The following NFATC4 variants were observed in gnomAD, a reference collection of about 807,000 sequenced individuals.
NFATC4 encodes nuclear factor of activated T-cells, cytoplasmic 4.
A neutral mutation model predicts 73.4 loss-of-function variants in NFATC4; 25 were observed. The ratio of observed to expected loss-of-function variants is 0.34; its 90% CI spans 0.25 to 0.48. NFATC4 has a LOEUF of 0.48. NFATC4 is among the 20% of genes least tolerant of loss of function. The probability of loss-of-function intolerance (pLI) is 0.99; values close to 1 mark genes in which losing one functional copy is unlikely to be tolerated. For synonymous variants in NFATC4, 523 were observed against 510.3 expected (o/e 1.02, Z -0.34); for missense variants, 1,130 against 1,203.7 (o/e 0.94, Z 0.91).
chr14:24,372,217 CTTCCCCTTGCTT>C, intron 2 of NFATC4: 1 of 541,878 alleles, frequency 1.8e-6, no homozygotes. Flanking sequence ...CTGTCCCCTA[CTTCCCCTTGCTT>C]CTGGACTTTT....
intron 1 of NFATC4, 133 bp from the exon 2 acceptor site, chr14:24,369,366 T>C (rs773362178): frequency 6.3e-7 from 1 of 1,599,898 alleles, no homozygotes; most frequent in African/African-American, 1.3e-5. Flanking sequence ...TTTTGTCTTG[T>C]GGCTCAGAAG....
Position 24,376,624 on chromosome 14 carries a change from G to C in NFATC4, c.2387G>C (p.Gly796Ala). ...CCTAGTGACCCGTATGGAGGGCGGG[G>C]CTCCTCTTTCTCCCTGGGGCTGCCA... The part of the protein sequence containing the change: ...PFPSDPYGGR[G>A]SSFSLGLPFS... Residue 796 changes from glycine (G) to alanine (A), a missense_variant, in exon 9 of 10, where the codon GGC (glycine) becomes GCC (alanine). Gly to Ala is a moderately conservative substitution (Grantham distance 60). Around this residue, in one of 3 missense-constraint regions of NFATC4, gnomAD observed 390 missense variants for 408.1 expected, o/e 0.96. Coordinates refer to ENST00000250373, the MANE Select transcript of NFATC4 (RefSeq NM_004554.5). This position sits in a 1 kb window ranked among gnomAD's most constrained non-coding sequence, Gnocchi z 5.0. 1 of 1,613,536 alleles carries C rather than the reference G, an allele frequency of 6.2e-7. No homozygotes were observed.
At chr14:24,368,110 G>A (rs2042355382), upstream of NFATC4, 5 of 1,182,452 alleles carry the variant, frequency 4.2e-6, no homozygotes, top group African/African-American at 6.5e-5. Flanking sequence ...GAGCATCCCC[G>A]GCAGCCAATC....
In NFATC4 at chr14:24,370,088, C is replaced by A; in HGVS notation, c.690C>A (p.Pro230=). The A allele has an allele frequency of 5.0e-6, 8 of 1,604,974 alleles. No individual in the cohort carries two copies. The highest frequency in any genetic ancestry group is 6.8e-6 in the Non-Finnish European group (8 of 1,179,802). Residue 230 remains proline (P), a synonymous_variant, in exon 2 of 10, where the codon CCC becomes CCA. Transcript: ENST00000250373. Reference sequence around the variant, plus strand: ...CTCGGCCATGGACCCCCGAAGATCCCTGGAGCCTGTATGGTCCAAGCCCCG... The same window carrying A: ...CTCGGCCATGGACCCCCGAAGATCCATGGAGCCTGTATGGTCCAAGCCCCG... ...ASPRPWTPED[P]WSLYGPSPGG...
At chr14:24,369,281 A>G in intron 1 of NFATC4, 1 of 1,552,774 alleles carries the variant, frequency 6.4e-7, no homozygotes, top group South Asian at 1.2e-5. Flanking sequence ...CCTCGGTCCT[A>G]GGATCCAGGG....
chr14:24,379,494 T>C lies in NFATC4; in HGVS notation c.*1789T>C, dbSNP rs906024827. 2.6e-5 allele frequency: 4 copies of C among 152,254 alleles called. No individual in the cohort carries two copies. Among genetic ancestry groups the C allele is most frequent in the Non-Finnish European group, 5.9e-5 (4 of 68,050 alleles). 9.4% of individuals were successfully genotyped at this position (152,254 alleles called of 1,614,324 possible). A position where few individuals can be genotyped will look rare whatever the true frequency, so the allele number is the denominator to read the frequency against. On this transcript the variant is annotated 3_prime_UTR_variant, in exon 10 of 10. Coordinates refer to ENST00000250373, the MANE Select transcript of NFATC4 (RefSeq NM_004554.5). ...TTTTCTGCCAGGACACTGCCATTCA[T>C]GCATTGTCAGATATTTATTAAACAG... is the stretch of plus-strand genomic sequence containing the variant.
rs142208294 is a variant in NFATC4 at position 24,376,774 on chromosome 14, G to A, written c.2537G>A (p.Gly846Asp). The A allele has an allele frequency of 5.6e-6, 9 of 1,613,834 alleles. No individual in the cohort carries two copies. The highest frequency in any genetic ancestry group is 7.6e-6 in the Non-Finnish European group (9 of 1,179,888). ...PAEGYNKVGP[G>D]YGPGEGAPEQ... ...GAGGGATACAATAAGGTAGGGCCAG[G>A]CTATGGCCCTGGGGAGGGGGCTCCG... The change falls in exon 9 of 10, where the codon GGC becomes GAC. Residue 846 changes from glycine to aspartate, a missense_variant. By Grantham distance (94) the Gly-to-Asp change is moderately conservative. This residue lies in a region of NFATC4 where 390 missense variants were observed against 408.1 expected (regional missense o/e 0.96). Transcript: ENST00000250373. This position sits in a 1 kb window ranked among gnomAD's most constrained non-coding sequence, Gnocchi z 5.0.
At chr14:24,367,206 C>T, upstream of NFATC4, 1 of 1,613,938 alleles carries the variant, frequency 6.2e-7, no homozygotes. Flanking sequence ...CCTTCCTCCT[C>T]CAGCCCAGGT....
At chr14:24,369,136 C>A in intron 1 of NFATC4, 1 of 1,442,766 alleles carries the variant, frequency 6.9e-7, no homozygotes, top group Non-Finnish European at 9.1e-7. Context: ...GTTTGGGAAC[C>A]GCTGCTAATT....
chr14:24,378,678 C>T lies in NFATC4; in HGVS notation c.*973C>T, dbSNP rs1052388294. ...AGATATTCTGGAAAGATTTGTGCTT[C>T]AGAGGTAGACTGCAGAAAGCAAACA... On this transcript the variant is annotated 3_prime_UTR_variant, in exon 10 of 10. Coordinates refer to ENST00000250373, the MANE Select transcript of NFATC4 (RefSeq NM_004554.5). The T allele has an allele frequency of 6.6e-5, 10 of 152,266 alleles. No individual in the cohort carries two copies. Among genetic ancestry groups the T allele is most frequent in the African/African-American group, 2.4e-4 (10 of 41,464 alleles). The allele number at this position is 152,266 out of a possible 1,614,324, so 9.4% of individuals were successfully genotyped here.
Position 24,368,355 on chromosome 14 carries a change from C to T in NFATC4, c.15C>T (p.Ser5=). 7.2e-7 allele frequency: 1 copy of T among 1,381,702 alleles called. No individual in the cohort carries two copies. Among genetic ancestry groups the T allele is most frequent in the Non-Finnish European group, 9.4e-7 (1 of 1,068,994 alleles). The allele number at this position is 1,381,702 out of a possible 1,614,324, so 85.6% of individuals were successfully genotyped here. Residue 5 remains serine (S), a synonymous_variant, in exon 1 of 10, where the codon AGC becomes AGT. Transcript: ENST00000250373. ...CTGCCGGATCCATGGGGGCGGCCAGCTGCGAGGATGAGGAGCTGGAATTTA... is the reference window on the plus strand; with the variant it reads ...CTGCCGGATCCATGGGGGCGGCCAGTTGCGAGGATGAGGAGCTGGAATTTA... MGAA[S]CEDEELEFKL... is the part of the protein sequence containing the mutation.
chr14:24,374,437 C>G lies in NFATC4; in HGVS notation c.1844C>G (p.Ser615Cys). ...VLTGSNFLPD[S>C]KVVFIERGPD... is the part of the protein sequence containing the mutation. ...ACTGGCTCCAACTTCCTGCCAGACT[C>G]CAAGGTGGTGTTCATTGAGAGGGGT... The change falls in exon 6 of 10, where the codon TCC becomes TGC. Residue 615 changes from serine to cysteine, a missense_variant. Physicochemically the swap from Ser to Cys is moderately radical, Grantham distance 112 (BLOSUM62 -1). Coordinates refer to ENST00000250373, the MANE Select transcript of NFATC4 (RefSeq NM_004554.5). 1 of 1,613,898 alleles carries G rather than the reference C, an allele frequency of 6.2e-7. No individual in the cohort carries two copies. The highest frequency in any genetic ancestry group is 8.5e-7 in the Non-Finnish European group (1 of 1,179,882).
At position 24,373,750 on chromosome 14, in the gene NFATC4, G is replaced by A; in HGVS notation, c.1615G>A (p.Gly539Ser). ...GAATTCAGACATTGAGCTTCGGAAG[G>A]GTGAGACGGACATCGGGCGCAAAAA... ...LRNSDIELRKGETDIGRKNTR... is the reference protein window; with the variant it reads ...LRNSDIELRKSETDIGRKNTR... Residue 539 changes from glycine (G) to serine (S), a missense_variant, in exon 5 of 10, where the codon GGT becomes AGT. Physicochemically the swap from Gly to Ser is moderately conservative, Grantham distance 56. Coordinates refer to ENST00000250373, the MANE Select transcript of NFATC4 (RefSeq NM_004554.5). The surrounding 1 kb of genome is among the most constrained non-coding windows in gnomAD (Gnocchi z 4.7). 1 of 1,614,102 alleles carries A rather than the reference G, an allele frequency of 6.2e-7. No homozygotes were observed. The highest frequency in any genetic ancestry group is 8.5e-7 in the Non-Finnish European group (1 of 1,179,962).
upstream of NFATC4, chr14:24,367,992 G>GTT (rs553785821): frequency 6.3e-3 from 5,404 of 863,870 alleles, no homozygotes; most frequent in East Asian, 0.033. Flanking sequence ...TTCCAATTCA[G>GTT]TTTTTTTTTT....
intron 5 of NFATC4, chr14:24,374,089 C>G (rs1276959236): frequency 2.3e-6 from 2 of 884,600 alleles, no homozygotes; most frequent in East Asian, 5.3e-5. Context: ...CTGGGGTGCC[C>G]TGTGCCCTTG....
chr14:24,370,103 T>C lies in NFATC4; in HGVS notation c.705T>C (p.Gly235=). 1 of 1,604,142 alleles carries C rather than the reference T, an allele frequency of 6.2e-7. No individual in the cohort carries two copies. The highest frequency in any genetic ancestry group is 8.5e-7 in the Non-Finnish European group (1 of 1,179,664). The change falls in exon 2 of 10, where the codon GGT becomes GGC. Residue 235 remains glycine (G), a synonymous_variant. Transcript: ENST00000250373. The part of the protein sequence containing the change: ...WTPEDPWSLY[G]PSPGGRGPED... ...CCGAAGATCCCTGGAGCCTGTATGG[T>C]CCAAGCCCCGGAGGCCGAGGGCCAG...
At chr14:24,372,798 C>CA in intron 3 of NFATC4, 195 bp downstream of exon 3, 1 of 666,444 alleles carries the variant, frequency 1.5e-6, no homozygotes. Context: ...CTTCCACCCC[C>CA]ACTCAGCTCA....
chr14:24,367,991 A>AG (rs2042350973), upstream of NFATC4: 5 of 958,296 alleles, frequency 5.2e-6, no homozygotes, highest in East Asian at 6.0e-4. Flanking sequence ...TTTCCAATTC[A>AG]GTTTTTTTTT....
In NFATC4 at chr14:24,377,856, TC is replaced by T; in HGVS notation, c.*156del. 1.4e-6 allele frequency: 2 copies of T among 1,434,838 alleles called. No homozygotes were observed. Among genetic ancestry groups the T allele is most frequent in the Non-Finnish European group, 1.9e-6 (2 of 1,073,728 alleles). The allele number at this position is 1,434,838 out of a possible 1,614,324, so 88.9% of individuals were successfully genotyped here. On this transcript the variant is annotated 3_prime_UTR_variant, in exon 10 of 10. Coordinates refer to ENST00000250373, the MANE Select transcript of NFATC4 (RefSeq NM_004554.5). This position sits in a 1 kb window ranked among gnomAD's most constrained non-coding sequence, Gnocchi z 4.2. ...GTCTGTCTCACTGTCTTCCCTCCCCTCCCCCAGCTGAGGTGTGGCCCTCAGG... is the reference window on the plus strand; with the variant it reads ...GTCTGTCTCACTGTCTTCCCTCCCCTCCCCAGCTGAGGTGTGGCCCTCAGG...
Sources: allele counts gnomAD v4.1 joint callset, GRCh38; gene constraint gnomAD v4.1.1; regional missense constraint gnomAD v4.1.1; non-coding constraint Gnocchi (gnomAD v3.1); transcripts MANE v1.5; gene names NCBI Gene and HGNC (gene_info 2026-07-23, HGNC 2026-07-21).